MAP2K1: variants seen among roughly 807,000 people sequenced by gnomAD.
MAP2K1 encodes mitogen-activated protein kinase kinase 1.
Under a neutral mutation model 46.3 loss-of-function variants are expected in MAP2K1, and 16 were observed. The observed-to-expected ratio is 0.35, with a 90% CI of 0.23 to 0.52. MAP2K1 has a LOEUF of 0.52. MAP2K1 is among the 20% of genes least tolerant of loss of function. The pLI, the probability that MAP2K1 is intolerant of heterozygous loss-of-function variation, is 0.94. For synonymous variants in MAP2K1, 183 were observed against 185.6 expected (o/e 0.99, Z 0.11); for missense variants, 263 against 497.1 (o/e 0.53, Z 4.48).
chr15:66,398,347 C>T (rs976520564), intron 1 of MAP2K1, among the ~76,000 whole-genome samples: 3 of 151,640 alleles, frequency 2.0e-5, no homozygotes, highest in Admixed American at 1.3e-4. Context: ...GCCCAGGTGG[C>T]GAGATTGCAG....
chr15:66,465,713 CG>C (rs1221429093), intron 5 of MAP2K1, among the ~76,000 whole-genome samples: 1 of 152,084 alleles, frequency 6.6e-6, no homozygotes, highest in Non-Finnish European at 1.5e-5. Flanking sequence ...AACAAAAAAA[CG>C]GGTGTACTAT....
chr15:66,479,316 T>C (rs1444911724), intron 5 of MAP2K1, among the ~76,000 whole-genome samples: 1 of 152,080 alleles, frequency 6.6e-6, no homozygotes, highest in Non-Finnish European at 1.5e-5. Context: ...CAGGCTGGTC[T>C]TGAACTCCTG....
At chr15:66,490,446 G>A (rs766104510) in intron 10 of MAP2K1, 56 bp from the exon 11 acceptor site, 3 of 1,263,124 alleles carry the variant, frequency 2.4e-6, no homozygotes, top group Non-Finnish European at 3.5e-6. Flanking sequence ...CTTCCTGGTG[G>A]GTTTTGTTTT....
intron 1 of MAP2K1, among the ~76,000 whole-genome samples, chr15:66,393,475 A>G (rs772948164): frequency 6.6e-6 from 1 of 152,090 alleles, no homozygotes; most frequent in African/African-American, 2.4e-5. Flanking sequence ...CGCACCGGCT[A>G]TTAATCTCTT....
At chr15:66,407,650 C>G (rs1169751835) in intron 1 of MAP2K1, among the ~76,000 whole-genome samples, 3 of 152,200 alleles carry the variant, frequency 2.0e-5, no homozygotes, top group Non-Finnish European at 4.4e-5. Context: ...TCTTGGTTGT[C>G]TTCTGTTGTA....
chr15:66,446,748 G>A (rs12917279), intron 5 of MAP2K1: 23,963 of 331,868 alleles, frequency 0.072, 1,267 homozygotes, highest in Middle Eastern at 0.13. Flanking sequence ...GCTTATAGCC[G>A]GCAAAAATGG....
intron 1 of MAP2K1, among the ~76,000 whole-genome samples, chr15:66,397,313 C>G (rs2140522130): frequency 6.6e-6 from 1 of 152,238 alleles, no homozygotes; most frequent in South Asian, 2.1e-4. Flanking sequence ...TGTAACACTT[C>G]TTAATGGTGT....
chr15:66,403,213 G>C (rs1397294028), intron 1 of MAP2K1, among the ~76,000 whole-genome samples: 1 of 152,124 alleles, frequency 6.6e-6, no homozygotes, highest in Non-Finnish European at 1.5e-5. Context: ...AAAGTTACTT[G>C]GTTTGACAGT....
intron 1 of MAP2K1, among the ~76,000 whole-genome samples, chr15:66,428,271 C>CGTGTGTGTGTGTGTGTGTGT (rs67373670): frequency 8.2e-6 from 1 of 122,280 alleles, no homozygotes; most frequent in African/African-American, 3.2e-5. Context: ...AGCAGTTGTG[C>CGTGTGTGTGTGTGTGTGTGT]GTGTGTGTGT....
At chr15:66,408,751 C>T (rs545963898) in intron 1 of MAP2K1, among the ~76,000 whole-genome samples, 4 of 152,178 alleles carry the variant, frequency 2.6e-5, no homozygotes, top group African/African-American at 4.8e-5. Flanking sequence ...TGGGGATTCC[C>T]GTCTCCACCT....
At chr15:66,446,440 CAAAAA>C in intron 5 of MAP2K1, 2 of 123,350 alleles carry the variant, frequency 1.6e-5, no homozygotes, top group Non-Finnish European at 3.4e-5. Context: ...GACTCCGTCT[CAAAAA>C]AAAAAAAAAA....
rs397741484 is a variant in MAP2K1 at position 66,459,632 on chromosome 15, A to AAT, written c.568+14925_568+14926insAT. ...GACACCATCTCAAAAAAAAAAAAAA[A>AAT]TTTTTTTTGTATCCTTTTCCTGGGG... On this transcript the variant is annotated intron_variant, in intron 5 of 10. Transcript: ENST00000307102. Among the ~76,000 whole-genome samples the AAT allele has an allele frequency of 1.9e-3, 284 of 149,242 alleles. 1 individual carries two copies. Among genetic ancestry groups the AAT allele is most frequent in the African/African-American group, 5.3e-3 (214 of 40,546 alleles).
chr15:66,420,908 CACACACATACATACATATATAT>C lies in MAP2K1; in HGVS notation c.81-14105_81-14084del, dbSNP rs1274859803. ...GTGTATATATACACATACATACATA[CACACACATACATACATATATAT>C]ACACACATACATATATACATACACA... is the stretch of plus-strand genomic sequence containing the variant. On this transcript the variant is annotated intron_variant, in intron 1 of 10. Coordinates refer to ENST00000307102, the MANE Select transcript of MAP2K1 (RefSeq NM_002755.4). Among the ~76,000 whole-genome samples, 3 of 125,082 alleles carry C rather than the reference CACACACATACATACATATATAT, an allele frequency of 2.4e-5. 1 individual carries two copies. The highest frequency in any genetic ancestry group is 5.0e-5 in the Non-Finnish European group (3 of 59,768). The allele number at this position is 125,082 out of a possible 152,430, so 82.1% of individuals were successfully genotyped here.
chr15:66,433,920 A>G (rs976138866), intron 1 of MAP2K1, among the ~76,000 whole-genome samples: 13 of 152,238 alleles, frequency 8.5e-5, no homozygotes, highest in African/African-American at 2.9e-4. Context: ...TCCCTGGATG[A>G]AACACTCTTG....
chr15:66,397,899 C>T (rs1451768209), intron 1 of MAP2K1, among the ~76,000 whole-genome samples: 1 of 152,132 alleles, frequency 6.6e-6, no homozygotes, highest in Admixed American at 6.5e-5. Flanking sequence ...CTCAGGAGTT[C>T]GAGACCAGCC....
At chr15:66,485,421 G>A (rs1465331212) in intron 7 of MAP2K1, among the ~76,000 whole-genome samples, 5 of 152,142 alleles carry the variant, frequency 3.3e-5, no homozygotes, top group African/African-American at 9.7e-5. Flanking sequence ...ACTGCACTTA[G>A]GACTTTATAC....
Position 66,478,010 on chromosome 15 carries a change from G to A in MAP2K1, c.569-3745G>A, listed in dbSNP as rs113756685. ...CAAGCAACTGCTGGACTCATGCCTC[G>A]GCTGAAGTGTTTGTGGGCTCTGTCC... On this transcript the variant is annotated intron_variant, in intron 5 of 10. Coordinates refer to ENST00000307102, the MANE Select transcript of MAP2K1 (RefSeq NM_002755.4). Among the ~76,000 whole-genome samples the A allele has an allele frequency of 2.1e-3, 314 of 152,054 alleles. 2 individuals are homozygous for A. The highest frequency in any genetic ancestry group is 7.1e-3 in the African/African-American group (293 of 41,454).
chr15:66,474,209 G>T (rs57583621), intron 5 of MAP2K1, among the ~76,000 whole-genome samples: 15,185 of 152,110 alleles, frequency 0.1, 943 homozygotes, highest in East Asian at 0.32. Context: ...GCAGTTTCTG[G>T]GCTTGGTTGT....
intron 5 of MAP2K1, chr15:66,453,390 A>C (rs148192410): frequency 0.014 from 9,734 of 677,046 alleles, 164 homozygotes; most frequent in South Asian, 0.045. Context: ...AAGGGAAGTC[A>C]CTAGAAGGAC....
Sources: allele counts gnomAD v4.1 joint callset (sites outside exome capture counted in the v4.1 genomes callset), GRCh38; gene constraint gnomAD v4.1.1; transcripts MANE v1.5; gene names NCBI Gene and HGNC (gene_info 2026-07-23, HGNC 2026-07-21).